ZFAND6: variants seen among roughly 807,000 people sequenced by gnomAD.
ZFAND6 encodes AN1-type zinc finger protein 6.
ZFAND6 carries 12 observed loss-of-function variants against 24.5 expected under a neutral mutation model. That is an observed-to-expected ratio of 0.49 (90% CI 0.31 to 0.79). The LOEUF (loss-of-function observed/expected upper bound fraction) is 0.79, where lower values mean the gene tolerates loss of function less well. Among genes scored for constraint, ZFAND6 ranks in the 30% least tolerant of loss-of-function variants. ZFAND6 has a pLI of 0.04. For synonymous variants in ZFAND6, 92 were observed against 81.5 expected (o/e 1.13, Z -0.69); for missense variants, 207 against 245.9 (o/e 0.84, Z 1.06).
rs1219614899 is a variant in ZFAND6, at chr15:80,138,139, C to G, written c.*511C>G. On this transcript the variant is annotated 3_prime_UTR_variant, in exon 7 of 7. Transcript: ENST00000261749. ...TTAGCATATAGTTTCTTTGCACCCA[C>G]TATTTATGTCTGAATCATTTGTCAC... The G allele has an allele frequency of 1.3e-5, 2 of 152,702 alleles. No homozygotes were observed. The highest frequency in any genetic ancestry group is 4.8e-5 in the African/African-American group (2 of 41,466). The allele number at this position is 152,702 out of a possible 1,614,324, so 9.5% of individuals were successfully genotyped here. A position where few individuals can be genotyped will look rare whatever the true frequency, so the allele number is the denominator to read the frequency against.
intron 3 of ZFAND6, 142 bp downstream of exon 3, chr15:80,120,640 G>A (rs1245326012): frequency 1.6e-6 from 1 of 636,848 alleles, no homozygotes; most frequent in African/African-American, 1.9e-5. Flanking sequence ...TACACATTGT[G>A]ATTATAATCA....
rs201340939 is a variant in ZFAND6, at chr15:80,134,491, CA to C, written c.479-2987del. Among the ~76,000 whole-genome samples, 3,122 of 152,222 alleles carry C rather than the reference CA, an allele frequency of 0.021. 228 individuals are homozygous for C. In the East Asian group the frequency reaches 0.22, roughly 11 times the overall value. On this transcript the variant is annotated intron_variant, in intron 6 of 6. Transcript: ENST00000261749. ...TTGTCAGTGCTATGGAAGAGAACCC[CA>C]ATAGAGGGAACATCATATCATTGAA...
intron 1 of ZFAND6, among the ~76,000 whole-genome samples, chr15:80,072,401 C>T (rs559036254): frequency 6.6e-6 from 1 of 152,090 alleles, no homozygotes; most frequent in East Asian, 1.9e-4. Flanking sequence ...TTTAAGAAAC[C>T]AGCTTATCCA....
chr15:80,119,505 G>A (rs987650081), intron 2 of ZFAND6, among the ~76,000 whole-genome samples: 1 of 150,988 alleles, frequency 6.6e-6, no homozygotes, highest in Non-Finnish European at 1.5e-5. Context: ...ATTTATTATC[G>A]GTATTTCCCT....
Position 80,082,353 on chromosome 15 carries a change from A to G in ZFAND6, c.-180-16063A>G, listed in dbSNP as rs542817735. 5.9e-5 allele frequency among the ~76,000 whole-genome samples: 9 copies of G among 152,364 alleles called. No individual in the cohort carries two copies. The South Asian group carries it at 1.9e-3, about 32-fold the overall frequency. On this transcript the variant is annotated intron_variant, in intron 1 of 6. Transcript: ENST00000261749. The stretch of plus-strand genomic sequence containing the variant: ...TTTCGCAGATGATAATGCTAAGTTT[A>G]TAGAGAGATAGGAAAAATTGACAAA...
chr15:80,078,892 T>TTTA (rs897619963), intron 1 of ZFAND6, among the ~76,000 whole-genome samples: 1 of 151,984 alleles, frequency 6.6e-6, no homozygotes, highest in African/African-American at 2.4e-5. Context: ...ATTATTTTAT[T>TTTA]TTATTATTAT....
chr15:80,121,183 G>C (rs1383989961), intron 3 of ZFAND6, among the ~76,000 whole-genome samples: 6 of 152,162 alleles, frequency 3.9e-5, no homozygotes, highest in Non-Finnish European at 8.8e-5. Flanking sequence ...CTATTACTTA[G>C]TTCATTTAAT....
intron 1 of ZFAND6, among the ~76,000 whole-genome samples, chr15:80,065,536 G>GTTTTTTTTTTTTTTTTTTTT (rs1341209807): frequency 1.2e-5 from 1 of 84,982 alleles, no homozygotes; most frequent in African/African-American, 4.4e-5. Flanking sequence ...TTTTGGTTTT[G>GTTTTTTTTTTTTTTTTTTTT]ATTTTTTTTT....
intron 1 of ZFAND6, among the ~76,000 whole-genome samples, chr15:80,063,151 A>T (rs2036424689): frequency 6.6e-6 from 1 of 152,232 alleles, no homozygotes. Flanking sequence ...AGTCCACTAG[A>T]AATACAACGT....
At chr15:80,134,445 C>T (rs1300563892) in intron 6 of ZFAND6, among the ~76,000 whole-genome samples, 1 of 152,170 alleles carries the variant, frequency 6.6e-6, no homozygotes. Flanking sequence ...GCTCATTACA[C>T]ATGGTACTCT....
Position 80,131,203 on chromosome 15 carries a change from C to G in ZFAND6, c.388C>G (p.Gln130Glu), listed in dbSNP as rs1177651822. ...VQASVSDTAQ[Q>E]PSEEQSKSLE... Reference sequence around the variant, plus strand: ...AGCTTCAGTATCAGACACAGCACAGCAGCCATCTGAAGAGCAAAGCAAGTC... The same window carrying G: ...AGCTTCAGTATCAGACACAGCACAGGAGCCATCTGAAGAGCAAAGCAAGTC... The change falls in exon 6 of 7, where the codon CAG (glutamine) becomes GAG (glutamate). Residue 130 changes from glutamine to glutamate, a missense_variant. By Grantham distance (29) the Gln-to-Glu change is conservative. Around this residue, in one of 3 missense-constraint regions of ZFAND6, gnomAD observed 133 missense variants for 122.8 expected, o/e 1.08. Transcript: ENST00000261749. 1 of 1,608,916 alleles carries G rather than the reference C, an allele frequency of 6.2e-7. No individual in the cohort carries two copies. Among genetic ancestry groups the G allele is most frequent in the Non-Finnish European group, 8.5e-7 (1 of 1,177,568 alleles).
chr15:80,066,973 T>C (rs1174235929), intron 1 of ZFAND6, among the ~76,000 whole-genome samples: 6 of 152,210 alleles, frequency 3.9e-5, no homozygotes, highest in Middle Eastern at 3.4e-3. Context: ...GCTCCAAAGC[T>C]TGTCCTGTGT....
At chr15:80,091,891 C>A (rs1340110176) in intron 1 of ZFAND6, among the ~76,000 whole-genome samples, 1 of 152,210 alleles carries the variant, frequency 6.6e-6, no homozygotes, top group Non-Finnish European at 1.5e-5. Flanking sequence ...CCTCTCACCT[C>A]AGCCTCCCAA....
At chr15:80,092,326 G>GAAAA (rs373513444) in intron 1 of ZFAND6, among the ~76,000 whole-genome samples, 2 of 103,610 alleles carry the variant, frequency 1.9e-5, no homozygotes, top group African/African-American at 3.6e-5. Flanking sequence ...ATCTCTACAG[G>GAAAA]AAAAAAAAAA....
intron 1 of ZFAND6, among the ~76,000 whole-genome samples, chr15:80,096,898 G>C (rs150561280): frequency 6.6e-6 from 1 of 152,028 alleles, no homozygotes; most frequent in African/African-American, 2.4e-5. Context: ...AAAAAATGCA[G>C]GTGAATAGGA....
chr15:80,099,424 T>C (rs990988905), intron 2 of ZFAND6, among the ~76,000 whole-genome samples: 1 of 152,184 alleles, frequency 6.6e-6, no homozygotes. Context: ...CAGAGACTTA[T>C]AAAATCTTGT....
intron 1 of ZFAND6, among the ~76,000 whole-genome samples, chr15:80,093,502 C>T (rs1010705049): frequency 1.4e-4 from 22 of 151,772 alleles, no homozygotes; most frequent in African/African-American, 2.7e-4. Context: ...CCGAGACGGG[C>T]GGAGCACCGA....
intron 2 of ZFAND6, among the ~76,000 whole-genome samples, chr15:80,104,982 C>A (rs908384217): frequency 1.3e-5 from 2 of 152,118 alleles, no homozygotes; most frequent in Non-Finnish European, 2.9e-5. Flanking sequence ...CTAAAAAGCT[C>A]CCCTTTTCAT....
chr15:80,065,265 A>G (rs1420019221), intron 1 of ZFAND6, among the ~76,000 whole-genome samples: 1 of 151,498 alleles, frequency 6.6e-6, no homozygotes, highest in Non-Finnish European at 1.5e-5. Context: ...GCCCCACTAA[A>G]AAAAAAAACA....
Sources: gnomAD v4.1 joint callset for allele counts (sites outside exome capture counted in the v4.1 genomes callset) on GRCh38, gnomAD v4.1.1 for gene constraint, gnomAD v4.1.1 regional missense constraint, MANE v1.5 for transcripts, NCBI Gene and HGNC (gene_info 2026-07-23, HGNC 2026-07-21) for gene names.